Variants in FMN1 observed in about 807,000 individuals in gnomAD.
FMN1 encodes formin 1.
FMN1 carries 110 observed loss-of-function variants against 132.4 expected under a neutral mutation model. That is an observed-to-expected ratio of 0.83 (90% confidence interval 0.71 to 0.97). The LOEUF is 0.97. Ranked by LOEUF, FMN1 falls within the 50% of genes least tolerant of loss-of-function variation. The pLI is 0.00. For missense variants in FMN1, 1,792 were observed against 1,705.3 expected, an observed-to-expected ratio of 1.05 and a Z score of -0.90; for synonymous variants, 722 against 651.7, an observed-to-expected ratio of 1.11 and a Z score of -1.64.
intron 10 of FMN1, among the ~76,000 whole-genome samples, chr15:32,914,277 A>G (rs2060630618): frequency 6.6e-6 from 1 of 152,226 alleles, no homozygotes; most frequent in Admixed American, 6.5e-5. Context: ...TAATCTATTA[A>G]TCACCAATAA....
In FMN1 at chr15:32,774,880, C is replaced by T. The variant is rs533233511; in HGVS notation, c.4216-526G>A. The stretch of plus-strand genomic sequence containing the variant: ...TGCCATGGATGTTATGCTCTTCATT[C>T]TCCGAGCTTCCTCCTCAGAGACTGC... On this transcript the variant is annotated intron_variant, in intron 20 of 20. Transcript: ENST00000616417. Among the ~76,000 whole-genome samples the T allele has an allele frequency of 2.0e-5, 3 of 152,286 alleles. No individual in the cohort carries two copies. The South Asian group carries it at 6.2e-4, about 32-fold the overall frequency.
At chr15:32,914,615 A>AC (rs2060640415) in intron 10 of FMN1, among the ~76,000 whole-genome samples, 1 of 152,252 alleles carries the variant, frequency 6.6e-6, no homozygotes, top group African/African-American at 2.4e-5. Context: ...TTACACACAC[A>AC]AAAAGTCAAA....
intron 2 of FMN1, among the ~76,000 whole-genome samples, chr15:33,185,415 T>A (rs969609303): frequency 2.6e-5 from 4 of 152,002 alleles, no homozygotes; most frequent in African/African-American, 9.7e-5. Context: ...TTATAGAAGG[T>A]GTTTTCTATT....
chr15:33,079,376 C>T (rs1235272930), intron 5 of FMN1, among the ~76,000 whole-genome samples: 1 of 152,108 alleles, frequency 6.6e-6, no homozygotes. Flanking sequence ...AATCCCAGCA[C>T]GCAGGAAGGC....
At chr15:32,892,506 G>C (rs77100292) in intron 15 of FMN1, among the ~76,000 whole-genome samples, 1 of 152,088 alleles carries the variant, frequency 6.6e-6, no homozygotes, top group Non-Finnish European at 1.5e-5. Context: ...CAAGGATATC[G>C]GTCTGTAGTT....
At chr15:32,997,495 C>T (rs963336006) in intron 7 of FMN1, among the ~76,000 whole-genome samples, 2 of 152,102 alleles carry the variant, frequency 1.3e-5, no homozygotes, top group Admixed American at 1.3e-4. Flanking sequence ...ATGAATCTAG[C>T]CATTCTACTG....
At chr15:32,935,808 A>C (rs1436128192) in intron 9 of FMN1, among the ~76,000 whole-genome samples, 2 of 151,646 alleles carry the variant, frequency 1.3e-5, no homozygotes, top group East Asian at 3.9e-4. Context: ...TTGTTCTTTT[A>C]GTAGAGATGA....
Position 32,884,178 on chromosome 15 carries a change from G to T in FMN1, c.3835+3994C>A, listed in dbSNP as rs347946. ...CAAACTTAGGAGGCTTAAAACACCA[G>T]AAATATATCACCTTTTAGTTCTATA... On this transcript the variant is annotated intron_variant, in intron 16 of 20. Coordinates refer to ENST00000616417, the MANE Select transcript of FMN1 (RefSeq NM_001277313.2). 1.3e-5 allele frequency among the ~76,000 whole-genome samples: 2 copies of T among 152,080 alleles called. 1 individual carries two copies. The highest frequency in any genetic ancestry group is 4.8e-5 in the African/African-American group (2 of 41,450).
intron 9 of FMN1, among the ~76,000 whole-genome samples, chr15:32,939,198 A>T (rs1190354303): frequency 6.6e-6 from 1 of 152,214 alleles, no homozygotes; most frequent in African/African-American, 2.4e-5. Context: ...GAGTCCTGTA[A>T]AGTATGTATA....
Position 32,878,817 on chromosome 15 carries a change from G to A in FMN1, c.3835+9355C>T, listed in dbSNP as rs575311020. Among the ~76,000 whole-genome samples the A allele has an allele frequency of 2.4e-4, 36 of 152,048 alleles. 1 individual carries two copies. Among genetic ancestry groups the A allele is most frequent in the Non-Finnish European group, 3.8e-4 (26 of 67,998 alleles). On this transcript the variant is annotated intron_variant, in intron 16 of 20. Coordinates refer to ENST00000616417, the MANE Select transcript of FMN1 (RefSeq NM_001277313.2). ...TGCAGCTTTTATTTCAATATTTTAT[G>A]TTTCTTGTCAAAGAAAAAAACTCAA...
At chr15:32,980,923 G>C (rs1024546170) in intron 7 of FMN1, among the ~76,000 whole-genome samples, 2 of 152,126 alleles carry the variant, frequency 1.3e-5, no homozygotes, top group African/African-American at 2.4e-5. Context: ...CTGATGCATG[G>C]AAATTGCTTG....
chr15:32,957,298 C>CTTTTTTTTTTTTTTTTTTTTTTTT (rs869111673), intron 9 of FMN1, among the ~76,000 whole-genome samples: 1 of 84,178 alleles, frequency 1.2e-5, no homozygotes, highest in Non-Finnish European at 2.2e-5. Context: ...CAGAGCAGTT[C>CTTTTTTTTTTTTTTTTTTTTTTTT]TTTTTTTTTT....
intron 15 of FMN1, among the ~76,000 whole-genome samples, chr15:32,892,680 T>C (rs1015554594): frequency 6.6e-6 from 1 of 152,232 alleles, no homozygotes; most frequent in Non-Finnish European, 1.5e-5. Flanking sequence ...TGTAAATCCA[T>C]CTGGTCCTGG....
At chr15:32,814,103 G>A (rs1235682793) in intron 17 of FMN1, among the ~76,000 whole-genome samples, 1 of 152,150 alleles carries the variant, frequency 6.6e-6, no homozygotes. Flanking sequence ...GATCTGGTGA[G>A]AGACTCATTA....
At chr15:33,116,762 T>TC (rs1241221357) in intron 4 of FMN1, among the ~76,000 whole-genome samples, 2 of 149,772 alleles carry the variant, frequency 1.3e-5, no homozygotes, top group South Asian at 2.1e-4. Context: ...GGCTTTTTTT[T>TC]CCCTCATGAG....
chr15:32,958,694 A>G (rs2030134578), intron 9 of FMN1, among the ~76,000 whole-genome samples: 1 of 152,168 alleles, frequency 6.6e-6, no homozygotes, highest in Non-Finnish European at 1.5e-5. Flanking sequence ...TCTGTCCATT[A>G]CTTCTGAAAT....
intron 6 of FMN1, among the ~76,000 whole-genome samples, chr15:33,011,412 A>C (rs345824): frequency 1 from 151,416 of 152,076 alleles, 75,385 homozygotes; most frequent in East Asian, 1. Context: ...ATAATCTATT[A>C]GAAGTCAATT....
In FMN1 at chr15:32,919,837, T is replaced by C. The variant is rs563638986; in HGVS notation, c.3226+6337A>G. Among the ~76,000 whole-genome samples, 4 of 152,292 alleles carry C rather than the reference T, an allele frequency of 2.6e-5. No individual in the cohort carries two copies. In the East Asian group the frequency reaches 7.7e-4, roughly 29 times the overall value. ...CAACTTGCATAAACTTTGACAAAGA[T>C]TTCTGGCAATTATTAAGGCAAAAGG... is the stretch of plus-strand genomic sequence containing the variant. On this transcript the variant is annotated intron_variant, in intron 10 of 20. Transcript: ENST00000616417.
At chr15:32,867,159 T>C (rs919882940) in intron 16 of FMN1, among the ~76,000 whole-genome samples, 3 of 152,214 alleles carry the variant, frequency 2.0e-5, no homozygotes, top group Non-Finnish European at 4.4e-5. Flanking sequence ...TCTTCCCATA[T>C]CCACCCTGCC....
Sources: allele counts gnomAD v4.1 joint callset (sites outside exome capture counted in the v4.1 genomes callset), GRCh38; gene constraint gnomAD v4.1.1; transcripts MANE v1.5; gene names NCBI Gene and HGNC (gene_info 2026-07-23, HGNC 2026-07-21).